Variants in FGF14 observed in about 807,000 individuals in gnomAD.
FGF14 encodes the protein fibroblast growth factor 14.
FGF14 carries 5 observed loss-of-function variants against 25.5 expected under a neutral mutation model. The ratio of observed to expected loss-of-function variants is 0.20; its 90% CI spans 0.10 to 0.41. The LOEUF (loss-of-function observed/expected upper bound fraction) is 0.41, where lower values mean the gene tolerates loss of function less well. FGF14 is among the 10% of genes least tolerant of loss of function. FGF14 has a pLI of 1.00. For missense variants in FGF14, 222 were observed against 320.1 expected, an observed-to-expected ratio of 0.69 and a Z score of 2.34; for synonymous variants, 138 against 118.3, an observed-to-expected ratio of 1.17 and a Z score of -1.08.
At chr13:101,793,321 T>A (rs1344212337) in intron 3 of FGF14, among the ~76,000 whole-genome samples, 1 of 152,158 alleles carries the variant, frequency 6.6e-6, no homozygotes, top group African/African-American at 2.4e-5. Context: ...TGTATGAGAA[T>A]GTGTGGTATT....
chr13:101,725,409 C>G (rs2035349234), intron 4 of FGF14, among the ~76,000 whole-genome samples: 1 of 151,808 alleles, frequency 6.6e-6, no homozygotes, highest in Non-Finnish European at 1.5e-5. Flanking sequence ...TGTATAGGCC[C>G]TGGTAGCTAA....
intron 1 of FGF14, among the ~76,000 whole-genome samples, chr13:102,382,734 T>A (rs944796792): frequency 1.8e-4 from 28 of 152,026 alleles, no homozygotes; most frequent in Admixed American, 3.3e-4. Context: ...GTCCATCAAC[T>A]GAAGAATGAA....
intron 1 of FGF14, among the ~76,000 whole-genome samples, chr13:102,161,617 AAGAAGAAGAAGAAGAAGAAGAAGAAG>A (rs2047694450): frequency 8.4e-4 from 6 of 7,134 alleles, no homozygotes; most frequent in Admixed American, 2.0e-3. Context: ...GAAGAAGAAG[AAGAAGAAGAAGAAGAAGAAGAAGAAG>A]AAGAAGAAGA....
At chr13:101,791,261 T>C (rs1808061288) in intron 3 of FGF14, among the ~76,000 whole-genome samples, 1 of 152,162 alleles carries the variant, frequency 6.6e-6, no homozygotes, top group Non-Finnish European at 1.5e-5. Flanking sequence ...TAAGGTGCTG[T>C]AACCGGCATG....
At chr13:102,327,861 A>AAC (rs113656499) in intron 1 of FGF14, among the ~76,000 whole-genome samples, 5,119 of 150,186 alleles carry the variant, frequency 0.034, 321 homozygotes, top group African/African-American at 0.12. Context: ...AAAACAAACA[A>AAC]AAAAAAAGGA....
chr13:102,394,587 T>C (rs1160529152), intron 1 of FGF14: 1 of 152,220 alleles, frequency 6.6e-6, no homozygotes, highest in Non-Finnish European at 1.5e-5. Context: ...CAACGGAAAC[T>C]TCCCGCGCTA....
intron 1 of FGF14, among the ~76,000 whole-genome samples, chr13:102,022,719 T>C (rs1223077313): frequency 6.6e-6 from 1 of 152,090 alleles, no homozygotes; most frequent in African/African-American, 2.4e-5. Flanking sequence ...AGTAAAATAA[T>C]ACTCAAATGA....
chr13:102,192,193 C>A (rs1440981764), intron 1 of FGF14, among the ~76,000 whole-genome samples: 8 of 152,218 alleles, frequency 5.3e-5, no homozygotes, highest in Non-Finnish European at 1.5e-5. Context: ...GGGGTCACTA[C>A]TTCATTTTCT....
In FGF14 at chr13:101,726,629, A is replaced by G; in HGVS notation, c.590T>C (p.Leu197Pro). Reference protein sequence around the residue: ...VKKTKPAAHFLPKPLEVAMYR... With the variant: ...VKKTKPAAHFPPKPLEVAMYR... ...ATACTCACCTTCCAATGGCTTGGGT[A>G]GAAAATGAGCTGCTGGTTTGGTTTT... The change falls in exon 4 of 5, where the codon CTA becomes CCA. Residue 197 changes from leucine to proline, a missense_variant. By Grantham distance (98) the Leu-to-Pro change is moderately conservative. Around this residue, in one of 5 missense-constraint regions of FGF14, gnomAD observed 66 missense variants for 90.3 expected, o/e 0.73. Transcript: ENST00000376143. The G allele has an allele frequency of 6.2e-7, 1 of 1,613,402 alleles. No individual in the cohort carries two copies. Among genetic ancestry groups the G allele is most frequent in the Non-Finnish European group, 8.5e-7 (1 of 1,179,534 alleles).
chr13:102,039,070 T>C (rs1566605706), intron 1 of FGF14, among the ~76,000 whole-genome samples: 1 of 152,136 alleles, frequency 6.6e-6, no homozygotes, highest in Admixed American at 6.6e-5. Context: ...TAGACTCAGG[T>C]AAATGACACA....
intron 1 of FGF14, among the ~76,000 whole-genome samples, chr13:102,189,041 AGAGAAAGAAT>A (rs150360236): frequency 0.012 from 788 of 67,690 alleles, 32 homozygotes; most frequent in Middle Eastern, 0.06. Context: ...AAAGAAAGAA[AGAGAAAGAAT>A]GAAAGAAGAA....
In FGF14 at chr13:102,310,492, C is replaced by T. The variant is rs1387364798; in HGVS notation, c.208+90979G>A. On this transcript the variant is annotated intron_variant, in intron 1 of 4. Transcript: ENST00000376131. ...TTACTTTTTGAAATTAGAATGAAGT[C>T]TTTTTGCTTTAAGTATGAGCTGAGC... 3.3e-5 allele frequency among the ~76,000 whole-genome samples: 5 copies of T among 151,990 alleles called. No individual in the cohort carries two copies. The South Asian group carries it at 1.0e-3, about 32-fold the overall frequency.
chr13:101,969,346 A>G (rs1047976121), intron 1 of FGF14, among the ~76,000 whole-genome samples: 9 of 152,056 alleles, frequency 5.9e-5, no homozygotes, highest in African/African-American at 1.4e-4. Flanking sequence ...GGCGGATCAC[A>G]AGGTCAGGAG....
intron 1 of FGF14, among the ~76,000 whole-genome samples, chr13:101,939,849 G>A (rs902987132): frequency 5.9e-5 from 9 of 152,168 alleles, no homozygotes; most frequent in African/African-American, 2.2e-4. Context: ...CAAAGAAATG[G>A]CATGCTTTAG....
chr13:102,321,270 CTG>C (rs2056233645), intron 1 of FGF14, among the ~76,000 whole-genome samples: 1 of 152,042 alleles, frequency 6.6e-6, no homozygotes, highest in South Asian at 2.1e-4. Flanking sequence ...GTTATATGGA[CTG>C]TTTTAATTTC....
chr13:101,879,501 T>C (rs954980436), intron 1 of FGF14, among the ~76,000 whole-genome samples: 1 of 152,180 alleles, frequency 6.6e-6, no homozygotes, highest in Non-Finnish European at 1.5e-5. Context: ...TTCAATTAAA[T>C]TAAACACCGT....
At chr13:101,890,089 A>AAAAAC (rs886415723) in intron 1 of FGF14, among the ~76,000 whole-genome samples, 3 of 152,214 alleles carry the variant, frequency 2.0e-5, no homozygotes, top group Non-Finnish European at 2.9e-5. Flanking sequence ...ATACAAAAGC[A>AAAAAC]AAAACAAAAC....
Position 102,340,561 on chromosome 13 carries a change from C to T in FGF14, c.208+60910G>A, listed in dbSNP as rs140766885. On this transcript the variant is annotated intron_variant, in intron 1 of 4. Coordinates refer to the FGF14 transcript ENST00000376131. ...TACATCCCAAAATATCTTTTACCAT[C>T]AGAGATTAGCTCATCAGTCCTTTTG... is the stretch of plus-strand genomic sequence containing the variant. Among the ~76,000 whole-genome samples, 346 of 152,240 alleles carry T rather than the reference C, an allele frequency of 2.3e-3. 3 individuals are homozygous for T. The highest frequency in any genetic ancestry group is 7.7e-3 in the African/African-American group (320 of 41,546).
At chr13:101,733,696 G>C (rs1461886728) in intron 3 of FGF14, among the ~76,000 whole-genome samples, 1 of 151,072 alleles carries the variant, frequency 6.6e-6, no homozygotes, top group African/African-American at 2.4e-5. Flanking sequence ...AAGGAGTCTC[G>C]ACAGCAACTT....
Sources: gnomAD v4.1 joint callset for allele counts (sites outside exome capture counted in the v4.1 genomes callset) on GRCh38, gnomAD v4.1.1 for gene constraint, gnomAD v4.1.1 regional missense constraint, MANE v1.5 for transcripts, NCBI Gene and HGNC (gene_info 2026-07-23, HGNC 2026-07-21) for gene names.